The following ZNF91 variants were observed in gnomAD, a reference collection of about 807,000 sequenced individuals.
The protein encoded by ZNF91 is zinc finger protein 91.
In ZNF91, 7 loss-of-function variants were observed where a neutral mutation model predicts 12.6. The ratio of observed to expected loss-of-function variants is 0.55; its 90% CI spans 0.31 to 1.04. The LOEUF is 1.04. Among genes scored for constraint, ZNF91 ranks in the 50% least tolerant of loss-of-function variants. ZNF91 has a pLI of 0.05. For synonymous variants in ZNF91, 453 were observed against 462.6 expected (o/e 0.98, Z 0.27); for missense variants, 1,217 against 1,385.4 (o/e 0.88, Z 1.93).
At chr19:23,364,809 A>G (rs1968939043) in intron 3 of ZNF91, among the ~76,000 whole-genome samples, 1 of 152,176 alleles carries the variant, frequency 6.6e-6, no homozygotes, top group Non-Finnish European at 1.5e-5. Flanking sequence ...AAATACAACG[A>G]TAATATTTAT....
intron 1 of ZNF91, among the ~76,000 whole-genome samples, chr19:23,388,902 C>T (rs537677154): frequency 2.0e-5 from 3 of 151,894 alleles, no homozygotes; most frequent in South Asian, 2.1e-4. Flanking sequence ...AAAACAAATG[C>T]GTAAATGGAA....
intron 1 of ZNF91, among the ~76,000 whole-genome samples, chr19:23,383,355 T>C (rs1163078150): frequency 2.6e-5 from 4 of 152,198 alleles, no homozygotes; most frequent in South Asian, 4.1e-4. Flanking sequence ...AAATAAGTTA[T>C]CTATGACAAA....
chr19:23,390,953 T>G (rs1379477204), intron 1 of ZNF91, among the ~76,000 whole-genome samples: 1 of 152,234 alleles, frequency 6.6e-6, no homozygotes, highest in Admixed American at 6.5e-5. Flanking sequence ...TTGTGAATAG[T>G]GCTGCAGTGA....
downstream of ZNF91, among the ~76,000 whole-genome samples, chr19:23,334,960 ATTTT>A (rs1022072086): frequency 2.6e-5 from 4 of 152,162 alleles, no homozygotes; most frequent in African/African-American, 4.8e-5. Context: ...CCAAAAAAGA[ATTTT>A]TTTAACTGGA....
In ZNF91 at chr19:23,373,346, T is replaced by TCATATATATA. The variant is rs1491403502; in HGVS notation, c.253+395_253+396insTATATATATG. Among the ~76,000 whole-genome samples the TCATATATATA allele has an allele frequency of 3.7e-4, 32 of 85,796 alleles. 1 individual carries two copies. The highest frequency in any genetic ancestry group is 2.1e-3 in the South Asian group (6 of 2,812). The allele number at this position is 85,796 out of a possible 152,430, so 56.3% of individuals were successfully genotyped here. On this transcript the variant is annotated intron_variant, in intron 3 of 3. Coordinates refer to ENST00000300619, the MANE Select transcript of ZNF91 (RefSeq NM_003430.4). ...GTTGCTTTTTGTAGATCATGTAATC[T>TCATATATATA]TATATATATATATATATATATATAT...
At chr19:23,341,126 C>T (rs1170704824) in intron 3 of ZNF91, among the ~76,000 whole-genome samples, 1 of 150,662 alleles carries the variant, frequency 6.6e-6, no homozygotes, top group Non-Finnish European at 1.5e-5. Context: ...TCTCAGCTCA[C>T]TGCAACCACT....
At chr19:23,321,177 T>A (rs1344487369) in intron 1 of ZNF91, among the ~76,000 whole-genome samples, 2 of 152,186 alleles carry the variant, frequency 1.3e-5, no homozygotes, top group African/African-American at 4.8e-5. Flanking sequence ...GCCAAACACC[T>A]GATTTGACTC....
intron 1 of ZNF91, chr19:23,327,838 C>G (rs765285379): frequency 4.6e-5 from 7 of 152,146 alleles, no homozygotes; most frequent in Non-Finnish European, 1.0e-4. Flanking sequence ...TATTCTACGT[C>G]AAAGTTTTAA....
At chr19:23,325,286 T>G (rs1967814500) in intron 1 of ZNF91, 1 of 152,094 alleles carries the variant, frequency 6.6e-6, no homozygotes, top group African/African-American at 2.4e-5. Context: ...TGTGAATAGT[T>G]GTTTTACAAT....
In ZNF91 at chr19:23,360,665, A is replaced by G. The variant is rs1968701637; in HGVS notation, c.2314T>C (p.Cys772Arg). 6.2e-7 allele frequency: 1 copy of G among 1,613,740 alleles called. No individual in the cohort carries two copies. ...ATAAATGCTTTGCCACATTCTTTAC[A>G]TTTGAAGGGTTTCTCTCTAGTATGA... ...RIHTREKPFK[C>R]KECGKAFIWS... The change falls in exon 4 of 4, where the codon TGT (cysteine) becomes CGT (arginine). Residue 772 changes from cysteine to arginine, a missense_variant. Physicochemically the swap from Cys to Arg is radical, Grantham distance 180 (BLOSUM62 -3). Transcript: ENST00000300619.
chr19:23,318,717 C>T (rs142523554), intron 1 of ZNF91, among the ~76,000 whole-genome samples: 55 of 152,250 alleles, frequency 3.6e-4, no homozygotes, highest in African/African-American at 1.3e-3. Flanking sequence ...TGTTTGCCTG[C>T]GCTATGCCCA....
downstream of ZNF91, among the ~76,000 whole-genome samples, chr19:23,352,737 C>T (rs940436016): frequency 3.3e-5 from 5 of 152,044 alleles, no homozygotes; most frequent in African/African-American, 9.7e-5. Flanking sequence ...ACATAAGGAC[C>T]CAAATAAACT....
At chr19:23,311,970 TG>T (rs1335981187), upstream of ZNF91, among the ~76,000 whole-genome samples, 1 of 151,474 alleles carries the variant, frequency 6.6e-6, no homozygotes, top group African/African-American at 2.4e-5. Context: ...CTTTGCTGAT[TG>T]GGTCTAGCCA....
intron 1 of ZNF91, chr19:23,380,291 A>G: frequency 7.6e-6 from 1 of 131,270 alleles, no homozygotes; most frequent in African/African-American, 2.9e-5. Flanking sequence ...AAAAAAAAAA[A>G]AAAAAAAAAA....
rs541483050 is a variant in ZNF91, at chr19:23,310,091, G to A, written n.16+457C>T. ...CCAGCCAATCAGAAAGATGTCGACT[G>A]TCATACCTGGGCTTAAAGCTACAGA... On this transcript the variant is annotated intron_variant and non_coding_transcript_variant, in intron 1 of 3. Coordinates refer to the ZNF91 transcript ENST00000593292. Among the ~76,000 whole-genome samples, 4 of 152,228 alleles carry A rather than the reference G, an allele frequency of 2.6e-5. No individual in the cohort carries two copies. The South Asian group carries it at 8.3e-4, about 32-fold the overall frequency.
At chr19:23,384,730 G>A in intron 1 of ZNF91, 2 of 613,466 alleles carry the variant, frequency 3.3e-6, no homozygotes, top group Non-Finnish European at 3.0e-6. Flanking sequence ...GCTTTTACCT[G>A]GAAACTAGGA....
chr19:23,378,304 A>G (rs547306131), intron 1 of ZNF91, among the ~76,000 whole-genome samples: 2 of 152,346 alleles, frequency 1.3e-5, no homozygotes, highest in East Asian at 3.9e-4. Context: ...TCTGCGAGGC[A>G]AAACTCCAGG....
chr19:23,320,971 C>A (rs552884841), intron 1 of ZNF91, among the ~76,000 whole-genome samples: 7 of 152,286 alleles, frequency 4.6e-5, no homozygotes, highest in African/African-American at 7.2e-5. Context: ...CAGGCTGCGA[C>A]TTATCTAAGG....
chr19:23,388,990 C>G (rs1322060581), intron 1 of ZNF91, among the ~76,000 whole-genome samples: 2 of 151,984 alleles, frequency 1.3e-5, no homozygotes, highest in African/African-American at 4.8e-5. Context: ...GACACTGACG[C>G]CTAGTTGAGG....
Sources: allele counts gnomAD v4.1 joint callset (sites outside exome capture counted in the v4.1 genomes callset), GRCh38; gene constraint gnomAD v4.1.1; transcripts MANE v1.5; gene names NCBI Gene and HGNC (gene_info 2026-07-23, HGNC 2026-07-21).